CTNNA3: variants seen among roughly 807,000 people sequenced by gnomAD.
CTNNA3 encodes the protein catenin alpha 3.
CTNNA3 carries 76 observed loss-of-function variants against 95.7 expected under a neutral mutation model. The ratio of observed to expected loss-of-function variants is 0.79; its 90% CI spans 0.66 to 0.96. The LOEUF is 0.96. CTNNA3 is among the 40% of genes least tolerant of loss of function. The probability of loss-of-function intolerance (pLI) is 0.00; values close to 1 mark genes in which losing one functional copy is unlikely to be tolerated. For synonymous variants in CTNNA3, 431 were observed against 374.4 expected, an observed-to-expected ratio of 1.15 and a Z score of -1.74; for missense variants, 1,191 against 1,089.8, an observed-to-expected ratio of 1.09 and a Z score of -1.31.
intron 12 of CTNNA3, among the ~76,000 whole-genome samples, chr10:66,342,148 C>T (rs2092460610): frequency 6.6e-6 from 1 of 151,884 alleles, no homozygotes; most frequent in Non-Finnish European, 1.5e-5. Context: ...TAGAAAATTA[C>T]ACTTCTTTTT....
chr10:66,450,512 T>G (rs548910294), intron 11 of CTNNA3, among the ~76,000 whole-genome samples: 1 of 152,120 alleles, frequency 6.6e-6, no homozygotes, highest in Non-Finnish European at 1.5e-5. Flanking sequence ...AATAACGTTG[T>G]ATTCATTTCA....
At chr10:67,706,027 T>A (rs1381293163) in intron 1 of CTNNA3, among the ~76,000 whole-genome samples, 1 of 151,980 alleles carries the variant, frequency 6.6e-6, no homozygotes, top group Non-Finnish European at 1.5e-5. Flanking sequence ...TTAAAAGAGG[T>A]CTTGGCATGA....
At chr10:67,187,384 T>C (rs1589838980) in intron 6 of CTNNA3, among the ~76,000 whole-genome samples, 1 of 152,220 alleles carries the variant, frequency 6.6e-6, no homozygotes, top group Non-Finnish European at 1.5e-5. Flanking sequence ...ACCAAATCCA[T>C]ACACTTTCTA....
intron 15 of CTNNA3, among the ~76,000 whole-genome samples, chr10:66,009,629 A>G (rs1326300121): frequency 6.6e-6 from 1 of 152,198 alleles, no homozygotes; most frequent in Admixed American, 6.5e-5. Flanking sequence ...TATTTTTTCC[A>G]GATTATATTT....
intron 5 of CTNNA3, among the ~76,000 whole-genome samples, chr10:67,325,273 A>G (rs546104165): frequency 6.6e-6 from 1 of 152,048 alleles, no homozygotes; most frequent in Admixed American, 6.6e-5. Context: ...ATCTTCTGCT[A>G]GCTTTGGGAT....
intron 12 of CTNNA3, among the ~76,000 whole-genome samples, chr10:66,319,881 G>C (rs2092157763): frequency 6.6e-6 from 1 of 152,092 alleles, no homozygotes; most frequent in Non-Finnish European, 1.5e-5. Flanking sequence ...AAATCACCAA[G>C]TTCCTGTTCT....
At chr10:66,647,188 T>C (rs1256380481) in intron 9 of CTNNA3, among the ~76,000 whole-genome samples, 1 of 152,120 alleles carries the variant, frequency 6.6e-6, no homozygotes, top group African/African-American at 2.4e-5. Flanking sequence ...AAAATTAACA[T>C]CTAAAGGGTT....
chr10:67,198,047 A>G (rs897071517), intron 6 of CTNNA3, among the ~76,000 whole-genome samples: 1 of 152,182 alleles, frequency 6.6e-6, no homozygotes. Context: ...GCTACTCAAC[A>G]TCTGAAATTT....
At chr10:65,985,402 G>C (rs899521435) in intron 16 of CTNNA3, among the ~76,000 whole-genome samples, 2 of 151,212 alleles carry the variant, frequency 1.3e-5, no homozygotes, top group Non-Finnish European at 3.0e-5. Context: ...AGATTTTTCA[G>C]TTAAAGTGTA....
At chr10:67,003,264 C>A (rs552131775) in intron 7 of CTNNA3, among the ~76,000 whole-genome samples, 6 of 152,164 alleles carry the variant, frequency 3.9e-5, no homozygotes, top group Non-Finnish European at 8.8e-5. Context: ...TCCATGACTT[C>A]CTGACCATTT....
intron 17 of CTNNA3, among the ~76,000 whole-genome samples, chr10:65,933,756 T>A (rs1346305033): frequency 6.6e-6 from 1 of 152,156 alleles, no homozygotes. Flanking sequence ...TCTTCCACAA[T>A]GTCTTCTGTG....
chr10:66,214,623 AAGAG>A (rs1159278845), intron 13 of CTNNA3, among the ~76,000 whole-genome samples: 3 of 151,984 alleles, frequency 2.0e-5, no homozygotes, highest in South Asian at 2.1e-4. Flanking sequence ...TATTTCAGGA[AAGAG>A]AGGGAGAAAA....
chr10:66,637,049 A>C (rs564510825), intron 9 of CTNNA3, among the ~76,000 whole-genome samples: 2 of 152,330 alleles, frequency 1.3e-5, no homozygotes, highest in Admixed American at 1.3e-4. Flanking sequence ...TTGTTTAATA[A>C]AACTCTAAAA....
chr10:67,311,203 G>A (rs1840781345), intron 5 of CTNNA3, among the ~76,000 whole-genome samples: 1 of 152,106 alleles, frequency 6.6e-6, no homozygotes, highest in Non-Finnish European at 1.5e-5. Flanking sequence ...GTCTACAGTA[G>A]ACTTATATAG....
At chr10:67,423,291 A>G (rs1845811132) in intron 5 of CTNNA3, among the ~76,000 whole-genome samples, 1 of 152,160 alleles carries the variant, frequency 6.6e-6, no homozygotes, top group African/African-American at 2.4e-5. Context: ...TAGGAGTAGC[A>G]CACAACCTCA....
intron 11 of CTNNA3, among the ~76,000 whole-genome samples, chr10:66,409,215 C>G (rs2093081082): frequency 1.3e-5 from 2 of 152,144 alleles, no homozygotes; most frequent in Middle Eastern, 3.4e-3. Context: ...AGGGTGGGTT[C>G]AATGGGAAAT....
intron 1 of CTNNA3, among the ~76,000 whole-genome samples, chr10:67,680,999 G>A (rs940045291): frequency 5.3e-5 from 8 of 152,120 alleles, no homozygotes; most frequent in African/African-American, 1.9e-4. Flanking sequence ...GACCGTTTAT[G>A]ATACCAATAA....
At chr10:66,355,578 T>C (rs1412623068) in intron 12 of CTNNA3, among the ~76,000 whole-genome samples, 1 of 152,058 alleles carries the variant, frequency 6.6e-6, no homozygotes, top group South Asian at 2.1e-4. Context: ...AAACTCTTTA[T>C]TTTTGAATTT....
chr10:67,049,096 T>C (rs560036038), intron 7 of CTNNA3, among the ~76,000 whole-genome samples: 10 of 152,100 alleles, frequency 6.6e-5, no homozygotes, highest in Admixed American at 2.6e-4. Context: ...CATTTATAAC[T>C]TGTGGTCTAT....
Sources: allele counts gnomAD v4.1 joint callset (sites outside exome capture counted in the v4.1 genomes callset), GRCh38; gene constraint gnomAD v4.1.1; transcripts MANE v1.5; gene names NCBI Gene and HGNC (gene_info 2026-07-23, HGNC 2026-07-21).